The following MAU2 variants were observed in gnomAD, a reference collection of about 807,000 sequenced individuals.
The protein encoded by MAU2 is MAU2 chromatid cohesion factor homolog.
MAU2 carries 9 observed loss-of-function variants against 89.1 expected under a neutral mutation model. That is an observed-to-expected ratio of 0.10 (90% CI 0.06 to 0.18). The LOEUF is 0.18. MAU2 is among the 10% of genes least tolerant of loss of function. MAU2 has a pLI of 1.00. For missense variants in MAU2, 425 were observed against 803.5 expected (o/e 0.53, Z 5.69); for synonymous variants, 357 against 343.4 (o/e 1.04, Z -0.44).
chr19:19,337,677 A>G (rs1263019883), intron 4 of MAU2, among the ~76,000 whole-genome samples: 1 of 152,028 alleles, frequency 6.6e-6, no homozygotes, highest in Non-Finnish European at 1.5e-5. Flanking sequence ...TAGGAGCTAC[A>G]CTGAGACTCC....
At chr19:19,340,679 A>G (rs2061637346) in intron 5 of MAU2, among the ~76,000 whole-genome samples, 167 bp from the exon 6 acceptor site, 1 of 152,152 alleles carries the variant, frequency 6.6e-6, no homozygotes, top group South Asian at 2.1e-4. Context: ...ATAAACACAG[A>G]CACAATAGGA....
At chr19:19,341,435 T>C (rs1297329588) in intron 7 of MAU2, 28 bp downstream of exon 7, 2 of 1,611,838 alleles carry the variant, frequency 1.2e-6, no homozygotes, top group Non-Finnish European at 1.7e-6. Context: ...GGCGAGCTGC[T>C]GGTTGTGACC....
intron 1 of MAU2, among the ~76,000 whole-genome samples, chr19:19,334,917 A>G (rs1476968049): frequency 6.6e-6 from 1 of 152,106 alleles, no homozygotes; most frequent in Admixed American, 6.6e-5. Context: ...TCCAGCAACC[A>G]CCGAGGCTCT....
chr19:19,351,175 A>C (rs1273128892), intron 16 of MAU2, among the ~76,000 whole-genome samples: 2 of 151,744 alleles, frequency 1.3e-5, no homozygotes. Context: ...TCAGCCTCCC[A>C]AGTAGCTGGG....
intron 4 of MAU2, among the ~76,000 whole-genome samples, chr19:19,338,364 C>T (rs2061613716): frequency 6.6e-6 from 1 of 152,254 alleles, no homozygotes; most frequent in African/African-American, 2.4e-5. Context: ...CCGAGCTCTT[C>T]ACCACAGCCC....
In MAU2 at chr19:19,334,290, G is replaced by A. The variant is rs368765584; in HGVS notation, c.277-1428G>A. 8 of 985,430 alleles carry A rather than the reference G, an allele frequency of 8.1e-6. No homozygotes were observed. The South Asian group carries it at 1.9e-4, about 23-fold the overall frequency. The allele number at this position is 985,430 out of a possible 1,614,324, so 61.0% of individuals were successfully genotyped here. The stretch of plus-strand genomic sequence containing the variant: ...GTGCCACAAGAGGGGACCACAGGAG[G>A]CAGACGCTTGGGCTGGCAGAGGGCC... On this transcript the variant is annotated intron_variant, in intron 1 of 18. Transcript: ENST00000262815.
At chr19:19,355,216 G>T (rs1288215348) in intron 17 of MAU2, 48 bp from the exon 18 acceptor site, 3 of 1,611,732 alleles carry the variant, frequency 1.9e-6, no homozygotes, top group East Asian at 2.2e-5. Context: ...GGAGGGCCTG[G>T]GCAGTGACAG....
At chr19:19,346,155 A>C (rs2061691484) in intron 12 of MAU2, among the ~76,000 whole-genome samples, 1 of 152,142 alleles carries the variant, frequency 6.6e-6, no homozygotes, top group Admixed American at 6.5e-5. Flanking sequence ...CACTGGCCTC[A>C]GAGATGCACA....
At position 19,358,032 on chromosome 19, in the gene MAU2, T is replaced by C. The variant is rs1305020414; in HGVS notation, c.*2250T>C. 1 of 148,568 alleles carries C rather than the reference T, an allele frequency of 6.7e-6. No homozygotes were observed. The highest frequency in any genetic ancestry group is 2.0e-4 in the East Asian group (1 of 5,052). 9.2% of individuals were successfully genotyped at this position (148,568 alleles called of 1,614,324 possible). ...CAGGAGATTGAGGCTGCAGTGAGCA[T>C]GATCGCGACACTGCACTCCAGCCTG... On this transcript the variant is annotated 3_prime_UTR_variant, in exon 19 of 19. Coordinates refer to ENST00000262815, the MANE Select transcript of MAU2 (RefSeq NM_015329.4).
At chr19:19,347,020 T>C (rs1007588410) in intron 12 of MAU2, 3 of 445,302 alleles carry the variant, frequency 6.7e-6, no homozygotes, top group Admixed American at 7.7e-5. Context: ...AAACCCGACA[T>C]GTTCTGAGGG....
intron 1 of MAU2, among the ~76,000 whole-genome samples, chr19:19,332,465 C>T (rs1046528680): frequency 4.0e-5 from 6 of 151,186 alleles, no homozygotes; most frequent in East Asian, 3.9e-4. Flanking sequence ...ACATGGGAAA[C>T]GGATGTTAAA....
intron 17 of MAU2, 167 bp downstream of exon 17, chr19:19,354,612 G>A (rs773253496): frequency 1.2e-4 from 79 of 637,066 alleles, no homozygotes; most frequent in Non-Finnish European, 2.1e-4. Flanking sequence ...CTGGTTGAGG[G>A]CAGTGGGTGC....
intron 3 of MAU2, 62 bp downstream of exon 3, chr19:19,336,249 C>A: frequency 7.9e-7 from 1 of 1,269,046 alleles, no homozygotes; most frequent in East Asian, 2.3e-5. Flanking sequence ...GACATGACAG[C>A]ACATTGGTAA....
At chr19:19,344,056 C>T in intron 10 of MAU2, 116 bp downstream of exon 10, 1 of 806,822 alleles carries the variant, frequency 1.2e-6, no homozygotes, top group Non-Finnish European at 2.0e-6. Flanking sequence ...ATCCTGCTGT[C>T]TCGCTGTCGG....
chr19:19,352,761 T>C (rs2061755677), intron 16 of MAU2: 1 of 152,206 alleles, frequency 6.6e-6, no homozygotes, highest in Non-Finnish European at 1.5e-5. Flanking sequence ...TTTTAGGTGT[T>C]GTGGGGGCAT....
chr19:19,356,448 T>G lies in MAU2; in HGVS notation c.*666T>G, dbSNP rs2048179579. 7.8e-6 allele frequency: 2 copies of G among 255,596 alleles called. No homozygotes were observed. Among genetic ancestry groups the G allele is most frequent in the Admixed American group, 5.1e-5 (1 of 19,760 alleles). The allele number at this position is 255,596 out of a possible 1,614,324, so 15.8% of individuals were successfully genotyped here. A position where few individuals can be genotyped will look rare whatever the true frequency, so the allele number is the denominator to read the frequency against. On this transcript the variant is annotated 3_prime_UTR_variant, in exon 19 of 19. Coordinates refer to ENST00000262815, the MANE Select transcript of MAU2 (RefSeq NM_015329.4). ...ATCCCGCCGTGGGGGTGCAGGTGAT[T>G]GTAAACACGGGTGTGCATGTGGATG... is the stretch of plus-strand genomic sequence containing the variant.
chr19:19,339,993 G>A (rs150018268), intron 5 of MAU2, among the ~76,000 whole-genome samples: 3,470 of 151,734 alleles, frequency 0.023, 142 homozygotes, highest in African/African-American at 0.079. Flanking sequence ...GTGAAACCCC[G>A]TCTCTACTAA....
chr19:19,343,768 G>A, intron 9 of MAU2, 69 bp from the exon 10 acceptor site: 2 of 1,166,896 alleles, frequency 1.7e-6, no homozygotes, highest in East Asian at 2.3e-5. Context: ...CGAGGTGGGG[G>A]CACGGTGGGC....
At chr19:19,341,887 C>T (rs2061651144) in intron 7 of MAU2, among the ~76,000 whole-genome samples, 1 of 152,166 alleles carries the variant, frequency 6.6e-6, no homozygotes, top group South Asian at 2.1e-4. Flanking sequence ...TGTCTCTGTG[C>T]TTGTGTGACA....
Sources: gnomAD v4.1 joint callset for allele counts (sites outside exome capture counted in the v4.1 genomes callset) on GRCh38, gnomAD v4.1.1 for gene constraint, MANE v1.5 for transcripts, NCBI Gene and HGNC (gene_info 2026-07-23, HGNC 2026-07-21) for gene names.